Variants in RRP12 observed in about 807,000 individuals in gnomAD.
The protein encoded by RRP12 is ribosomal RNA processing 12 homolog.
Under a neutral mutation model 157.3 loss-of-function variants are expected in RRP12, and 78 were observed. The ratio of observed to expected loss-of-function variants is 0.50; its 90% confidence interval spans 0.41 to 0.60. The LOEUF is 0.60. RRP12 is among the 20% of genes least tolerant of loss of function. The pLI, the probability that RRP12 is intolerant of heterozygous loss-of-function variation, is 0.00. For missense variants in RRP12, 1,521 were observed against 1,679.9 expected (o/e 0.91, Z 1.65); for synonymous variants, 726 against 670.9 (o/e 1.08, Z -1.27).
At chr10:97,379,595 G>T in intron 14 of RRP12, 33 bp downstream of exon 14, 2 of 1,611,250 alleles carry the variant, frequency 1.2e-6, no homozygotes, top group Non-Finnish European at 1.7e-6. Flanking sequence ...CAAGCCTGGG[G>T]CTTGTCAGGA....
At chr10:97,364,968 A>G (rs1843933811) in intron 29 of RRP12, among the ~76,000 whole-genome samples, 1 of 152,184 alleles carries the variant, frequency 6.6e-6, no homozygotes, top group Non-Finnish European at 1.5e-5. Context: ...GGAGCAGAGA[A>G]GACACTAGAC....
intron 1 of RRP12, 78 bp downstream of exon 1, chr10:97,401,015 C>T (rs1198536042): frequency 4.5e-6 from 7 of 1,542,688 alleles, no homozygotes; most frequent in South Asian, 3.5e-5. Flanking sequence ...CGCACTCTCC[C>T]AGAGGCCCCA....
chr10:97,371,334 C>T, intron 20 of RRP12: 1 of 536,532 alleles, frequency 1.9e-6, no homozygotes, highest in Non-Finnish European at 3.3e-6. Flanking sequence ...CTCCAGTGGC[C>T]TGAGCTCATG....
chr10:97,366,135 TGTTGCC>T lies in RRP12; in HGVS notation c.3484_3489del (p.Gly1162_Asn1163del). On this transcript the variant is annotated inframe_deletion, in exon 29 of 34. Coordinates refer to ENST00000370992, the MANE Select transcript of RRP12 (RefSeq NM_015179.4). ...TTGGCACCTTCCTCTTCCTCCATCT[TGTTGCC>T]GTCTGCCTCCTCCCTTATGATCAGC... 6.2e-7 allele frequency: 1 copy of T among 1,603,954 alleles called. No homozygotes were observed. Among genetic ancestry groups the T allele is most frequent in the Non-Finnish European group, 8.5e-7 (1 of 1,179,644 alleles).
At chr10:97,388,739 T>C (rs1001516874) in intron 6 of RRP12, 115 bp from the exon 7 acceptor site, 1 of 1,286,642 alleles carries the variant, frequency 7.8e-7, no homozygotes, top group Non-Finnish European at 1.1e-6. Flanking sequence ...CCAATGATGA[T>C]CTGACTACTA....
intron 15 of RRP12, 89 bp from the exon 16 acceptor site, chr10:97,373,983 G>A: frequency 1.9e-6 from 2 of 1,075,742 alleles, no homozygotes; most frequent in South Asian, 1.3e-5. Flanking sequence ...GCCCAATGAT[G>A]AGGACAGGAA....
At chr10:97,393,850 A>C in intron 3 of RRP12, 90 bp from the exon 4 acceptor site, 2 of 1,069,850 alleles carry the variant, frequency 1.9e-6, no homozygotes, top group Non-Finnish European at 2.8e-6. Flanking sequence ...CCAGCAGAAC[A>C]GTTGTGACTG....
rs1231882727 is a variant in RRP12 at position 97,372,084 on chromosome 10, G to A, written c.2332C>T (p.Pro778Ser). ...AISKLYSTIRPYLESKAHGVQ... is the reference protein window; with the variant it reads ...AISKLYSTIRSYLESKAHGVQ... The stretch of plus-strand genomic sequence containing the variant: ...CCCCCGAGGCTCACCTCTAGGTAGG[G>A]CCGGATGGTGGAGTATAGCTTACTG... The change falls in exon 20 of 34, where the codon CCC becomes TCC. Residue 778 changes from proline (P) to serine (S), a missense_variant. Transcript: ENST00000370992. 1 of 1,613,004 alleles carries A rather than the reference G, an allele frequency of 6.2e-7. No individual in the cohort carries two copies. Among genetic ancestry groups the A allele is most frequent in the Non-Finnish European group, 8.5e-7 (1 of 1,179,402 alleles).
chr10:97,379,184 C>G, intron 15 of RRP12, 109 bp downstream of exon 15: 1 of 1,306,362 alleles, frequency 7.7e-7, no homozygotes, highest in Non-Finnish European at 1.1e-6. Flanking sequence ...TGTTGCCAAA[C>G]GTCTTGAAGG....
At position 97,370,523 on chromosome 10, in the gene RRP12, C is replaced by G. The variant is rs755234567; in HGVS notation, c.2621G>C (p.Arg874Pro). ...LCTKEVSVGA[R>P]KNAFALLVEM... ...CACGAGCAGTGCAAAAGCGTTCTTCCGTGCGCCCACCGACACCTCCTTGGT... is the reference window on the plus strand; with the variant it reads ...CACGAGCAGTGCAAAAGCGTTCTTCGGTGCGCCCACCGACACCTCCTTGGT... Residue 874 changes from arginine (R) to proline (P), a missense_variant, in exon 23 of 34, where the codon CGG (arginine) becomes CCG (proline). Physicochemically the swap from Arg to Pro is moderately radical, Grantham distance 103. Transcript: ENST00000370992. 6 of 1,609,926 alleles carry G rather than the reference C, an allele frequency of 3.7e-6. No individual in the cohort carries two copies. The highest frequency in any genetic ancestry group is 5.1e-6 in the Non-Finnish European group (6 of 1,178,588).
intron 29 of RRP12, 33 bp downstream of exon 29, chr10:97,366,075 C>G: frequency 1.9e-6 from 3 of 1,599,898 alleles, no homozygotes; most frequent in Non-Finnish European, 2.5e-6. Context: ...TAAGTGAACA[C>G]GGTGAATGAA....
chr10:97,363,838 T>G lies in RRP12; in HGVS notation c.3567+16A>C, dbSNP rs201965092. The G allele has an allele frequency of 4.1e-5, 66 of 1,610,540 alleles. No individual in the cohort carries two copies. Among genetic ancestry groups the G allele is most frequent in the Non-Finnish European group, 5.1e-5 (60 of 1,176,806 alleles). On this transcript the variant is annotated intron_variant, in intron 30 of 33. Transcript: ENST00000370992. Reference sequence around the variant, plus strand: ...AGGTCTGAAGCCCTAGCCCCCCATCTGCAGGAACTACTCACATTCCTGATG... The same window carrying G: ...AGGTCTGAAGCCCTAGCCCCCCATCGGCAGGAACTACTCACATTCCTGATG...
At position 97,385,139 on chromosome 10, in the gene RRP12, C is replaced by T. The variant is rs756423625; in HGVS notation, c.1208+27G>A. ...CCCACCTCAACAGCCTGGACAGAGG[C>T]CCTAAGCACCCCTCCTTCATCCGTA... On this transcript the variant is annotated intron_variant, in intron 10 of 33. Coordinates refer to ENST00000370992, the MANE Select transcript of RRP12 (RefSeq NM_015179.4). 9 of 1,540,412 alleles carry T rather than the reference C, an allele frequency of 5.8e-6. No homozygotes were observed. The Admixed American group carries it at 6.7e-5, about 11-fold the overall frequency.
intron 1 of RRP12, among the ~76,000 whole-genome samples, 160 bp downstream of exon 1, chr10:97,400,933 T>C (rs10882926): frequency 0.38 from 57,762 of 152,002 alleles, 11,445 homozygotes; most frequent in African/African-American, 0.5. Flanking sequence ...ATCTGCTAAA[T>C]TGGAAGGACT....
At chr10:97,390,605 T>C in intron 5 of RRP12, 66 bp from the exon 6 acceptor site, 1 of 1,414,348 alleles carries the variant, frequency 7.1e-7, no homozygotes, top group Non-Finnish European at 1.0e-6. Flanking sequence ...GCCCAGGTTC[T>C]CACTGACTCC....
In RRP12 at chr10:97,373,858, G is replaced by C; in HGVS notation, c.1835C>G (p.Ser612Cys). 6.2e-7 allele frequency: 1 copy of C among 1,613,800 alleles called. No homozygotes were observed. Among genetic ancestry groups the C allele is most frequent in the Non-Finnish European group, 8.5e-7 (1 of 1,179,932 alleles). Residue 612 changes from serine (S) to cysteine (C), a missense_variant, in exon 16 of 34, where the codon TCT (serine) becomes TGT (cysteine). By Grantham distance (112) the Ser-to-Cys change is moderately radical (BLOSUM62 -1). Transcript: ENST00000370992. ...DLAQAGSTVESKIYDTLQWQM... is the reference protein window; with the variant it reads ...DLAQAGSTVECKIYDTLQWQM... ...CCACTGGAGTGTGTCGTAGATCTTA[G>C]ATTCCACTGTGCTGCCTGCCTGAGC...
chr10:97,358,899 C>T, intron 32 of RRP12, 44 bp downstream of exon 32: 4 of 1,492,778 alleles, frequency 2.7e-6, no homozygotes, highest in Non-Finnish European at 3.7e-6. Context: ...TCCCTGGCAC[C>T]TGTCCAGTGC....
chr10:97,381,625 G>T, intron 11 of RRP12, 90 bp downstream of exon 11: 1 of 1,293,240 alleles, frequency 7.7e-7, no homozygotes, highest in Non-Finnish European at 1.1e-6. Flanking sequence ...CTCTGGGCCC[G>T]AGCTGGTAGC....
At chr10:97,364,885 G>C (rs1171320858) in intron 29 of RRP12, among the ~76,000 whole-genome samples, 1 of 152,086 alleles carries the variant, frequency 6.6e-6, no homozygotes. Context: ...GAGAGGGGAG[G>C]GGTCCTGACA....
Sources: gnomAD v4.1 joint callset for allele counts (sites outside exome capture counted in the v4.1 genomes callset) on GRCh38, gnomAD v4.1.1 for gene constraint, MANE v1.5 for transcripts, NCBI Gene and HGNC (gene_info 2026-07-23, HGNC 2026-07-21) for gene names.